Variants in TMEM178B observed in about 807,000 individuals in gnomAD.
TMEM178B encodes the protein transmembrane protein 178B.
Under a neutral mutation model 31.0 loss-of-function variants are expected in TMEM178B, and 5 were observed. The observed-to-expected ratio is 0.16, with a 90% CI of 0.08 to 0.34. The LOEUF (loss-of-function observed/expected upper bound fraction) is 0.34. Among genes scored for constraint, TMEM178B ranks in the 10% least tolerant of loss-of-function variants. The pLI is 1.00. For synonymous variants in TMEM178B, 164 were observed against 164.0 expected, an observed-to-expected ratio of 1.00 and a Z score of 0.00; for missense variants, 275 against 400.3, an observed-to-expected ratio of 0.69 and a Z score of 2.67.
At chr7:141,081,072 A>T (rs1166669800) in intron 1 of TMEM178B, among the ~76,000 whole-genome samples, 1 of 152,184 alleles carries the variant, frequency 6.6e-6, no homozygotes, top group East Asian at 1.9e-4. Context: ...AAAAAAAGTT[A>T]ACTGTAAAAC....
chr7:141,303,122 T>A (rs1798755695), intron 2 of TMEM178B, among the ~76,000 whole-genome samples: 1 of 152,186 alleles, frequency 6.6e-6, no homozygotes, highest in Non-Finnish European at 1.5e-5. Context: ...CTTTATTCAG[T>A]GCCATTCCTT....
Position 141,437,618 on chromosome 7 carries a change from A to G in TMEM178B, c.507A>G (p.Arg169=). Residue 169 remains arginine (R), a synonymous_variant, in exon 3 of 4, where the codon AGA becomes AGG. Coordinates refer to ENST00000565468, the MANE Select transcript of TMEM178B (RefSeq NM_001195278.2). ...CCTGCTTCCCCACAGACCTGCGCAG[A>G]ATGACGGCTGGCTTCATGGGCATGG... ...QDEWHALHLR[R]MTAGFMGMAV... is the part of the protein sequence containing the mutation. 1 of 1,536,130 alleles carries G rather than the reference A, an allele frequency of 6.5e-7. No homozygotes were observed. The highest frequency in any genetic ancestry group is 1.2e-5 in the South Asian group (1 of 84,056).
At chr7:141,254,296 G>T (rs910678713) in intron 2 of TMEM178B, among the ~76,000 whole-genome samples, 14 of 152,264 alleles carry the variant, frequency 9.2e-5, no homozygotes, top group African/African-American at 2.9e-4. Context: ...AGGCTGCCTG[G>T]GTGTGGGGCA....
At chr7:141,100,491 A>T (rs1795038268) in intron 1 of TMEM178B, among the ~76,000 whole-genome samples, 1 of 152,170 alleles carries the variant, frequency 6.6e-6, no homozygotes, top group Admixed American at 6.5e-5. Flanking sequence ...AGAGACAGGA[A>T]AACTAGTCAA....
At chr7:141,266,592 T>A (rs568791391) in intron 2 of TMEM178B, among the ~76,000 whole-genome samples, 1 of 152,076 alleles carries the variant, frequency 6.6e-6, no homozygotes, top group East Asian at 1.9e-4. Context: ...TCTGTGAGAG[T>A]CTTCCGGTGG....
intron 1 of TMEM178B, among the ~76,000 whole-genome samples, chr7:141,138,628 A>G (rs890517086): frequency 4.6e-5 from 7 of 151,542 alleles, no homozygotes; most frequent in Admixed American, 4.6e-4. Flanking sequence ...AAGGCACTGA[A>G]AAAAAAAACC....
At chr7:141,393,265 C>T (rs1158425494) in intron 2 of TMEM178B, among the ~76,000 whole-genome samples, 1 of 152,166 alleles carries the variant, frequency 6.6e-6, no homozygotes, top group East Asian at 1.9e-4. Flanking sequence ...CTTAATCTGT[C>T]ACTGAATCAG....
intron 2 of TMEM178B, among the ~76,000 whole-genome samples, chr7:141,294,439 G>C (rs1466738987): frequency 6.6e-6 from 1 of 152,162 alleles, no homozygotes; most frequent in African/African-American, 2.4e-5. Flanking sequence ...GGTGCAAGCA[G>C]GTCTGGCTGG....
At chr7:141,351,498 T>G (rs1799722067) in intron 2 of TMEM178B, among the ~76,000 whole-genome samples, 1 of 152,226 alleles carries the variant, frequency 6.6e-6, no homozygotes. Flanking sequence ...AGGTTACTTT[T>G]GCTGTATTCT....
At chr7:141,216,562 A>G (rs112482410) in intron 2 of TMEM178B, among the ~76,000 whole-genome samples, 7 of 150,656 alleles carry the variant, frequency 4.6e-5, no homozygotes, top group Admixed American at 1.3e-4. Context: ...TGTGTGTGGT[A>G]GGGAAGAAGG....
At chr7:141,383,028 C>A (rs569496270) in intron 2 of TMEM178B, among the ~76,000 whole-genome samples, 1 of 152,322 alleles carries the variant, frequency 6.6e-6, no homozygotes, top group African/African-American at 2.4e-5. Context: ...CATTGCTATG[C>A]CCCAAGTTGT....
intron 1 of TMEM178B, among the ~76,000 whole-genome samples, chr7:141,133,777 G>A (rs1455009163): frequency 6.6e-6 from 1 of 152,118 alleles, no homozygotes; most frequent in African/African-American, 2.4e-5. Flanking sequence ...TCTTCCCCAA[G>A]GCAGATTGTG....
chr7:141,349,840 T>C (rs559878062), intron 2 of TMEM178B, among the ~76,000 whole-genome samples: 5 of 152,296 alleles, frequency 3.3e-5, no homozygotes, highest in Non-Finnish European at 7.3e-5. Context: ...AGTGTTAAAC[T>C]GCATGGTCAG....
chr7:141,416,030 T>C (rs1801089548), intron 2 of TMEM178B: 2 of 152,702 alleles, frequency 1.3e-5, no homozygotes, highest in Admixed American at 1.3e-4. Flanking sequence ...ATATTCTTTT[T>C]AAATTCTTTG....
chr7:141,262,474 A>AATATATATAT lies in TMEM178B; in HGVS notation c.496+49791_496+49800dup, dbSNP rs10570183. Among the ~76,000 whole-genome samples the AATATATATAT allele has an allele frequency of 1.4e-3, 186 of 131,836 alleles. 4 individuals carry two copies. Among genetic ancestry groups the AATATATATAT allele is most frequent in the African/African-American group, 3.7e-3 (127 of 33,894 alleles). 86.5% of individuals were successfully genotyped at this position (131,836 alleles called of 152,430 possible). A position where few individuals can be genotyped will look rare whatever the true frequency, so the allele number is the denominator to read the frequency against. On this transcript the variant is annotated intron_variant, in intron 2 of 3. Coordinates refer to ENST00000565468, the MANE Select transcript of TMEM178B (RefSeq NM_001195278.2). Reference sequence around the variant, plus strand: ...AATGGAAAGCTTGATAAATACATATAATATATATATATATATATATATATA... The same window carrying AATATATATAT: ...AATGGAAAGCTTGATAAATACATATAATATATATATATATATATATATATATATATATATA...
At chr7:141,453,797 T>C (rs1801909923) in intron 3 of TMEM178B, among the ~76,000 whole-genome samples, 1 of 152,216 alleles carries the variant, frequency 6.6e-6, no homozygotes. Flanking sequence ...TCAGAAGCAG[T>C]ATGCCAAGTC....
At position 141,480,233 on chromosome 7, in the gene TMEM178B, A is replaced by G. The variant is rs546382789; in HGVS notation, c.*9447A>G. ...GCAATTTTCTTTTTCGAATTGGCAG[A>G]AATATTGTATTTCCATTGATTGAAG... On this transcript the variant is annotated 3_prime_UTR_variant, in exon 4 of 4. Transcript: ENST00000565468. 4 of 152,246 alleles carry G rather than the reference A, an allele frequency of 2.6e-5. No individual in the cohort carries two copies. The highest frequency in any genetic ancestry group is 5.9e-5 in the Non-Finnish European group (4 of 68,050). The allele number at this position is 152,246 out of a possible 1,614,324, so 9.4% of individuals were successfully genotyped here. A position where few individuals can be genotyped will look rare whatever the true frequency, so the allele number is the denominator to read the frequency against.
At chr7:141,300,021 T>C (rs975397109) in intron 2 of TMEM178B, among the ~76,000 whole-genome samples, 9 of 152,184 alleles carry the variant, frequency 5.9e-5, no homozygotes, top group African/African-American at 2.2e-4. Context: ...TGGCCTCAAG[T>C]GATCCTCTCA....
chr7:141,199,551 T>C (rs2129186069), intron 1 of TMEM178B, among the ~76,000 whole-genome samples: 1 of 152,300 alleles, frequency 6.6e-6, no homozygotes, highest in East Asian at 1.9e-4. Flanking sequence ...ATTTTCTTCC[T>C]TTCTCCTTTG....
Sources: allele counts gnomAD v4.1 joint callset (sites outside exome capture counted in the v4.1 genomes callset), GRCh38; gene constraint gnomAD v4.1.1; transcripts MANE v1.5; gene names NCBI Gene and HGNC (gene_info 2026-07-23, HGNC 2026-07-21).